C3orf33: variants seen among roughly 807,000 people sequenced by gnomAD.
C3orf33 encodes the protein mitochondrial inner membrane subdomain organizer 1, also known as AP-1 activity suppressor.
C3orf33 carries 23 observed loss-of-function variants against 28.7 expected under a neutral mutation model. The observed-to-expected ratio is 0.80, with a 90% CI of 0.58 to 1.13. C3orf33 has a LOEUF of 1.13. Ranked by LOEUF, C3orf33 falls within the 50% of genes most tolerant of loss-of-function variation. C3orf33 has a pLI of 0.00. For synonymous variants in C3orf33, 119 were observed against 120.5 expected (o/e 0.99, Z 0.08); for missense variants, 327 against 353.4 (o/e 0.93, Z 0.60).
intron 2 of C3orf33, among the ~76,000 whole-genome samples, chr3:155,779,709 C>A (rs1750860606): frequency 6.6e-6 from 1 of 151,948 alleles, no homozygotes; most frequent in Non-Finnish European, 1.5e-5. Flanking sequence ...AGTACTTTGC[C>A]CAGGGAAAGA....
At position 155,806,044 on chromosome 3, in the gene C3orf33, C is replaced by T. The variant is rs750541775; in HGVS notation, c.114+95G>A. 6.2e-5 allele frequency: 53 copies of T among 849,610 alleles called. No individual in the cohort carries two copies. The Middle Eastern group carries it at 3.2e-3, about 51-fold the overall frequency. 52.6% of individuals were successfully genotyped at this position (849,610 alleles called of 1,614,324 possible). ...CGCAGTTTTCTGTCGCTCCCCGGCC[C>T]CGGCGGGATCCACGCCTGAGGCCTC... On this transcript the variant is annotated intron_variant, in intron 1 of 4. Coordinates refer to ENST00000340171, the MANE Select transcript of C3orf33 (RefSeq NM_001308229.2).
At chr3:155,792,372 A>G (rs1389019222) in intron 2 of C3orf33, among the ~76,000 whole-genome samples, 2 of 152,178 alleles carry the variant, frequency 1.3e-5, no homozygotes, top group Non-Finnish European at 2.9e-5. Flanking sequence ...ACAGGTCCAC[A>G]CAAATCCAGA....
intron 2 of C3orf33, among the ~76,000 whole-genome samples, chr3:155,776,135 C>T (rs965933518): frequency 1.6e-4 from 24 of 152,130 alleles, no homozygotes; most frequent in Non-Finnish European, 2.8e-4. Context: ...CATCAAAAGA[C>T]ATTGAGTATC....
intron 2 of C3orf33, among the ~76,000 whole-genome samples, chr3:155,781,768 CAAAAAAAA>C (rs36059033): frequency 1.6e-5 from 1 of 64,504 alleles, no homozygotes; most frequent in Non-Finnish European, 2.9e-5. Context: ...GACTCTATCT[CAAAAAAAA>C]AAAAAAAAAA....
intron 2 of C3orf33, among the ~76,000 whole-genome samples, chr3:155,795,571 T>C (rs1317363629): frequency 1.3e-5 from 2 of 152,134 alleles, no homozygotes; most frequent in Admixed American, 1.3e-4. Flanking sequence ...TTGGAAACTA[T>C]ACAAACACAT....
At chr3:155,766,187 C>T (rs575300272) in intron 4 of C3orf33, among the ~76,000 whole-genome samples, 83 of 152,062 alleles carry the variant, frequency 5.5e-4, no homozygotes, top group African/African-American at 2.0e-3. Flanking sequence ...AGCGACTGTA[C>T]CCTCATAATT....
chr3:155,800,631 A>C (rs1751618492), intron 2 of C3orf33, among the ~76,000 whole-genome samples: 1 of 147,952 alleles, frequency 6.8e-6, no homozygotes, highest in Admixed American at 6.8e-5. Flanking sequence ...AAAAAAAAAA[A>C]AAAAAAAAAA....
chr3:155,788,790 C>T (rs1490261836), intron 2 of C3orf33, among the ~76,000 whole-genome samples: 1 of 152,144 alleles, frequency 6.6e-6, no homozygotes, highest in Non-Finnish European at 1.5e-5. Flanking sequence ...ACTCTCACCA[C>T]CTCTATTCAA....
At chr3:155,777,279 A>G (rs1750778902) in intron 2 of C3orf33, among the ~76,000 whole-genome samples, 1 of 151,888 alleles carries the variant, frequency 6.6e-6, no homozygotes, top group Non-Finnish European at 1.5e-5. Context: ...GCACCATTGC[A>G]CTCCAGCCTG....
chr3:155,793,210 C>CAA lies in C3orf33; in HGVS notation c.174+9320_174+9321dup, dbSNP rs35293225. ...TGAAGAAAAGAAAATATATATGTGG[C>CAA]AAAAAAAAAAAAACCTGTAATTACT... is the stretch of plus-strand genomic sequence containing the variant. On this transcript the variant is annotated intron_variant, in intron 2 of 4. Coordinates refer to ENST00000340171, the MANE Select transcript of C3orf33 (RefSeq NM_001308229.2). Among the ~76,000 whole-genome samples the CAA allele has an allele frequency of 2.1e-3, 295 of 137,988 alleles. 1 individual carries two copies. The highest frequency in any genetic ancestry group is 0.011 in the Middle Eastern group (3 of 274). The allele number at this position is 137,988 out of a possible 152,430, so 90.5% of individuals were successfully genotyped here.
At chr3:155,803,356 G>A (rs553758965) in intron 1 of C3orf33, among the ~76,000 whole-genome samples, 1 of 151,722 alleles carries the variant, frequency 6.6e-6, no homozygotes, top group East Asian at 2.0e-4. Flanking sequence ...ACAAGGCCAG[G>A]AGATCGAGAC....
At chr3:155,767,137 C>T (rs1032493993) in intron 4 of C3orf33, among the ~76,000 whole-genome samples, 1 of 151,728 alleles carries the variant, frequency 6.6e-6, no homozygotes, top group Non-Finnish European at 1.5e-5. Context: ...TGTGTAGTCC[C>T]AGCTACTCAG....
intron 2 of C3orf33, among the ~76,000 whole-genome samples, chr3:155,788,140 G>A (rs1360967747): frequency 2.6e-5 from 4 of 150,984 alleles, no homozygotes; most frequent in East Asian, 2.0e-4. Context: ...ACAGTGAGCC[G>A]AGATTGTGCC....
intron 2 of C3orf33, among the ~76,000 whole-genome samples, chr3:155,790,527 C>T (rs1302623687): frequency 5.9e-5 from 9 of 152,034 alleles, no homozygotes; most frequent in Admixed American, 5.9e-4. Flanking sequence ...TCATAAGAAC[C>T]AAAAATCAGG....
chr3:155,777,611 A>AT (rs1465983215), intron 2 of C3orf33, among the ~76,000 whole-genome samples: 1 of 151,948 alleles, frequency 6.6e-6, no homozygotes, highest in Non-Finnish European at 1.5e-5. Flanking sequence ...TAATTTTTAA[A>AT]TTTTTTGTAT....
chr3:155,806,182 G>C lies in C3orf33; in HGVS notation c.71C>G (p.Ala24Gly). ...DKDGMEPNVVARISQWADDHL... is the reference protein window; with the variant it reads ...DKDGMEPNVVGRISQWADDHL... ...GTCGTCTGCCCACTGCGAGATCCGA[G>C]CCACGACGTTGGGCTCCATTCCGTC... Residue 24 changes from alanine (A) to glycine (G), a missense_variant, in exon 1 of 5, where the codon GCT (alanine) becomes GGT (glycine). Physicochemically the swap from Ala to Gly is moderately conservative, Grantham distance 60. Transcript: ENST00000340171. The C allele has an allele frequency of 1.3e-6, 2 of 1,500,186 alleles. No homozygotes were observed. Among genetic ancestry groups the C allele is most frequent in the Non-Finnish European group, 1.8e-6 (2 of 1,125,470 alleles). The allele number at this position is 1,500,186 out of a possible 1,614,324, so 92.9% of individuals were successfully genotyped here. A position where few individuals can be genotyped will look rare whatever the true frequency, so the allele number is the denominator to read the frequency against.
intron 2 of C3orf33, among the ~76,000 whole-genome samples, chr3:155,796,640 A>T (rs1751482951): frequency 6.6e-6 from 1 of 152,220 alleles, no homozygotes; most frequent in Non-Finnish European, 1.5e-5. Context: ...CAAAAAATAG[A>T]GGAAGAGGGA....
At chr3:155,771,056 T>TGTGTGTG (rs1271435779) in intron 3 of C3orf33, among the ~76,000 whole-genome samples, 75 of 136,204 alleles carry the variant, frequency 5.5e-4, no homozygotes, top group South Asian at 1.6e-3. Flanking sequence ...TGTGTGTGTG[T>TGTGTGTG]TGAGACATAG....
intron 2 of C3orf33, among the ~76,000 whole-genome samples, chr3:155,796,758 G>T (rs1751485137): frequency 6.6e-6 from 1 of 152,140 alleles, no homozygotes; most frequent in Non-Finnish European, 1.5e-5. Flanking sequence ...GAACATTAAT[G>T]CAAAAATCCT....
Sources: gnomAD v4.1 joint callset for allele counts (sites outside exome capture counted in the v4.1 genomes callset) on GRCh38, gnomAD v4.1.1 for gene constraint, MANE v1.5 for transcripts, NCBI Gene and HGNC (gene_info 2026-07-23, HGNC 2026-07-21) for gene names.